Variants in GFRA2 observed in about 807,000 individuals in gnomAD.
GFRA2 encodes GDNF family receptor alpha 2.
A neutral mutation model predicts 48.3 loss-of-function variants in GFRA2; 17 were observed. The observed-to-expected ratio is 0.35, with a 90% confidence interval of 0.24 to 0.53. GFRA2 has a LOEUF of 0.53. GFRA2 is among the 20% of genes least tolerant of loss of function. The pLI is 0.93. For missense variants in GFRA2, 660 were observed against 637.3 expected (o/e 1.04, Z -0.38); for synonymous variants, 305 against 257.2 (o/e 1.19, Z -1.78).
intron 4 of GFRA2, among the ~76,000 whole-genome samples, chr8:21,711,788 G>T (rs1213546505): frequency 6.6e-6 from 1 of 151,664 alleles, no homozygotes; most frequent in Non-Finnish European, 1.5e-5. Flanking sequence ...ATAAACAAGT[G>T]AACAAAGGTC....
chr8:21,779,663 C>T (rs1806878511), intron 2 of GFRA2: 1 of 152,224 alleles, frequency 6.6e-6, no homozygotes. Flanking sequence ...GACAGTATTC[C>T]TCCCTTTGCT....
upstream of GFRA2, chr8:21,790,196 G>C (rs1807527386): frequency 1.5e-6 from 1 of 686,800 alleles, no homozygotes; most frequent in Non-Finnish European, 1.8e-6. Flanking sequence ...GGAGAGGCGC[G>C]GGGTCGCGGT....
At chr8:21,744,550 A>AACACACAC (rs71721911) in intron 4 of GFRA2, among the ~76,000 whole-genome samples, 2,932 of 140,182 alleles carry the variant, frequency 0.021, 64 homozygotes, top group East Asian at 0.054. Context: ...AACCACCACC[A>AACACACAC]ACACACACAC....
At chr8:21,734,186 A>G (rs35970351) in intron 4 of GFRA2, among the ~76,000 whole-genome samples, 217 of 152,346 alleles carry the variant, frequency 1.4e-3, no homozygotes, top group Non-Finnish European at 2.4e-3. Context: ...TCCCTGGGAA[A>G]CAGCTGGAAG....
intron 3 of GFRA2, among the ~76,000 whole-genome samples, chr8:21,758,053 C>G (rs1159114063): frequency 6.6e-6 from 1 of 152,146 alleles, no homozygotes; most frequent in East Asian, 1.9e-4. Context: ...ACCTCTGGTG[C>G]ATTTGTGACT....
intron 2 of GFRA2, among the ~76,000 whole-genome samples, chr8:21,796,399 C>T (rs967496999): frequency 2.2e-4 from 34 of 152,330 alleles, no homozygotes; most frequent in African/African-American, 3.6e-4. Context: ...TGCTGCCTGA[C>T]GCCCCCCGCA....
At chr8:21,713,610 G>C (rs1472487441) in intron 4 of GFRA2, among the ~76,000 whole-genome samples, 1 of 152,012 alleles carries the variant, frequency 6.6e-6, no homozygotes, top group Non-Finnish European at 1.5e-5. Flanking sequence ...GTGGGTACAG[G>C]TGGACTTTCT....
Position 21,782,757 on chromosome 8 carries a change from C to A in GFRA2, c.183G>T (p.Arg61=). 3 of 1,595,352 alleles carry A rather than the reference C, an allele frequency of 1.9e-6. No individual in the cohort carries two copies. Among genetic ancestry groups the A allele is most frequent in the Non-Finnish European group, 1.7e-6 (2 of 1,172,392 alleles). Residue 61 remains arginine, a synonymous_variant, in exon 2 of 9, where the codon CGG becomes CGT. Coordinates refer to ENST00000524240, the MANE Select transcript of GFRA2 (RefSeq NM_001495.5). ...SNCSSRYRTL[R]QCLAGRDRNT... ...TGCGGTCGCGGCCTGCCAGGCACTG[C>A]CGCAGAGTGCGGTAGCGAGAGCTGC...
chr8:21,696,408 A>G (rs1007492785), intron 7 of GFRA2, among the ~76,000 whole-genome samples: 1 of 151,760 alleles, frequency 6.6e-6, no homozygotes, highest in Admixed American at 6.6e-5. Flanking sequence ...TACGCATAAA[A>G]TTGTTTGGAT....
Position 21,788,498 on chromosome 8 carries a change from C to T in GFRA2, c.-339G>A, listed in dbSNP as rs2117095328. ...TCGTCCGGGAAGGCGTGAGTCCCCG[C>T]GGGTCCAATTCCCCTGCGCTTCCCA... On this transcript the variant is annotated 5_prime_UTR_variant, in exon 1 of 9. Transcript: ENST00000524240. 9.3e-7 allele frequency: 1 copy of T among 1,071,202 alleles called. No homozygotes were observed. Among genetic ancestry groups the T allele is most frequent in the Non-Finnish European group, 1.1e-6 (1 of 886,826 alleles). The allele number at this position is 1,071,202 out of a possible 1,614,324, so 66.4% of individuals were successfully genotyped here.
intron 4 of GFRA2, among the ~76,000 whole-genome samples, chr8:21,746,039 G>A (rs777379552): frequency 6.6e-6 from 1 of 152,210 alleles, no homozygotes; most frequent in Non-Finnish European, 1.5e-5. Flanking sequence ...AGACCTCGGG[G>A]TCCCTACAGA....
At chr8:21,783,055 A>T in intron 1 of GFRA2, 156 bp from the exon 2 acceptor site, 1 of 744,340 alleles carries the variant, frequency 1.3e-6, no homozygotes, top group Non-Finnish European at 2.4e-6. Context: ...CTCATACCCC[A>T]GGGAGAACTC....
chr8:21,748,567 T>C (rs1211598062), intron 4 of GFRA2, among the ~76,000 whole-genome samples: 1 of 152,186 alleles, frequency 6.6e-6, no homozygotes, highest in Non-Finnish European at 1.5e-5. Context: ...TCTGGAGCAC[T>C]CAATAATACT....
Position 21,702,916 on chromosome 8 carries a change from C to G in GFRA2, c.1107G>C (p.Ser369=), listed in dbSNP as rs370374622. ...CCCGAGGGGCCTGGGTGGCCTGGAA[C>G]GAGGGGCCTTTTGGGGACACGTTCA... ...TDVNVSPKGP[S]FQATQAPRVE... is the part of the protein sequence containing the mutation. The change falls in exon 7 of 9, where the codon TCG becomes TCC. Residue 369 remains serine (S), a synonymous_variant. Transcript: ENST00000524240. 144 of 1,586,602 alleles carry G rather than the reference C, an allele frequency of 9.1e-5. 1 individual carries two copies. The South Asian group carries it at 1.6e-3, about 18-fold the overall frequency.
At chr8:21,727,384 G>A (rs1199971740) in intron 4 of GFRA2, among the ~76,000 whole-genome samples, 1 of 152,118 alleles carries the variant, frequency 6.6e-6, no homozygotes, top group African/African-American at 2.4e-5. Context: ...AGGATTGGGG[G>A]TCCCTCAAGT....
chr8:21,782,885 A>G lies in GFRA2; in HGVS notation c.55T>C (p.Ser19Pro). 3.8e-6 allele frequency: 6 copies of G among 1,558,480 alleles called. No individual in the cohort carries two copies. The highest frequency in any genetic ancestry group is 3.5e-5 in the South Asian group (3 of 85,656). The change falls in exon 2 of 9, where the codon TCT becomes CCT. Residue 19 changes from serine (S) to proline (P), a missense_variant. Physicochemically the swap from Ser to Pro is moderately conservative, Grantham distance 74 (BLOSUM62 -1). Coordinates refer to ENST00000524240, the MANE Select transcript of GFRA2 (RefSeq NM_001495.5). ...LFFFLDETLR[S>P]LASPSSLQGP... The stretch of plus-strand genomic sequence containing the variant: ...TGCAGGGAGGAAGGGCTGGCCAAAG[A>G]GCGGAGGGTCTCGTCTGGGTGGTGG...
At position 21,784,319 on chromosome 8, in the gene GFRA2, A is replaced by C. The variant is rs970396675; in HGVS notation, c.41-1420T>G. ...CCAGGAAAAGCCCGCACCATGGCCC[A>C]GAGCCATGACTGCCCTTTCCTGGAC... On this transcript the variant is annotated intron_variant, in intron 1 of 8. Coordinates refer to ENST00000524240, the MANE Select transcript of GFRA2 (RefSeq NM_001495.5). 38 of 456,148 alleles carry C rather than the reference A, an allele frequency of 8.3e-5. No individual in the cohort carries two copies. In the Admixed American group the frequency reaches 8.7e-4, roughly 10 times the overall value. 28.3% of individuals were successfully genotyped at this position (456,148 alleles called of 1,614,324 possible).
At chr8:21,704,081 T>C (rs560442291) in intron 6 of GFRA2, among the ~76,000 whole-genome samples, 56 of 152,332 alleles carry the variant, frequency 3.7e-4, no homozygotes, top group Non-Finnish European at 6.0e-4. Context: ...CTCTTGCCAC[T>C]CTGGTCATCT....
At chr8:21,710,521 A>G (rs1443401958) in intron 4 of GFRA2, among the ~76,000 whole-genome samples, 3 of 152,106 alleles carry the variant, frequency 2.0e-5, no homozygotes, top group African/African-American at 7.2e-5. Flanking sequence ...GCTGGAAACC[A>G]GGGCCTCCTG....
Sources: gnomAD v4.1 joint callset for allele counts (sites outside exome capture counted in the v4.1 genomes callset) on GRCh38, gnomAD v4.1.1 for gene constraint, MANE v1.5 for transcripts, NCBI Gene and HGNC (gene_info 2026-07-23, HGNC 2026-07-21) for gene names.